CARMIL1: variants seen among roughly 807,000 people sequenced by gnomAD.
CARMIL1 encodes F-actin-uncapping protein LRRC16A.
Under a neutral mutation model 177.1 loss-of-function variants are expected in CARMIL1, and 90 were observed. The ratio of observed to expected loss-of-function variants is 0.51; its 90% CI spans 0.43 to 0.61. The LOEUF (loss-of-function observed/expected upper bound fraction) is 0.61, where lower values mean the gene tolerates loss of function less well. Among genes scored for constraint, CARMIL1 ranks in the 20% least tolerant of loss-of-function variants. The pLI is 0.00. For missense variants in CARMIL1, 1,380 were observed against 1,667.0 expected (o/e 0.83, Z 3.00); for synonymous variants, 577 against 606.2 (o/e 0.95, Z 0.71).
At chr6:25,522,244 A>G (rs984064113) in intron 23 of CARMIL1, among the ~76,000 whole-genome samples, 1 of 152,164 alleles carries the variant, frequency 6.6e-6, no homozygotes, top group African/African-American at 2.4e-5. Flanking sequence ...ATCCTATTTC[A>G]TGGTAAATCT....
At position 25,449,919 on chromosome 6, in the gene CARMIL1, C is replaced by A; in HGVS notation, c.393C>A (p.Ser131=). ...LSPVRIMKKV[S]MEPSERLASL... ...ACAGGAGAATCATGAAAAAAGTCTC[C>A]ATGGAGCCATCTGAGCGCCTGGCTA... Residue 131 remains serine, a synonymous_variant, in exon 6 of 37, where the codon TCC becomes TCA. Transcript: ENST00000329474. 6.2e-7 allele frequency: 1 copy of A among 1,609,888 alleles called. No homozygotes were observed. The highest frequency in any genetic ancestry group is 1.1e-5 in the South Asian group (1 of 90,518).
At chr6:25,480,142 G>A (rs573291768) in intron 11 of CARMIL1, among the ~76,000 whole-genome samples, 1 of 152,120 alleles carries the variant, frequency 6.6e-6, no homozygotes, top group African/African-American at 2.4e-5. Flanking sequence ...GTATTCTGTA[G>A]TTACTGGGTA....
At chr6:25,388,763 G>A (rs1172828042) in intron 2 of CARMIL1, among the ~76,000 whole-genome samples, 1 of 152,048 alleles carries the variant, frequency 6.6e-6, no homozygotes, top group African/African-American at 2.4e-5. Context: ...TGCAACTCCT[G>A]GGCTCAAACA....
intron 5 of CARMIL1, among the ~76,000 whole-genome samples, chr6:25,445,496 A>C (rs910021868): frequency 4.0e-5 from 6 of 150,850 alleles, no homozygotes; most frequent in Non-Finnish European, 7.4e-5. Context: ...CAGAGGAATC[A>C]CTATCTATGG....
chr6:25,541,732 T>G (rs912839297), intron 26 of CARMIL1, among the ~76,000 whole-genome samples: 2 of 152,116 alleles, frequency 1.3e-5, no homozygotes, highest in South Asian at 4.1e-4. Flanking sequence ...CAGCTCACTG[T>G]AACCTCTGCC....
chr6:25,474,845 A>G (rs1271021793), intron 11 of CARMIL1, among the ~76,000 whole-genome samples: 2 of 152,230 alleles, frequency 1.3e-5, no homozygotes, highest in Non-Finnish European at 2.9e-5. Flanking sequence ...TCGACAGACA[A>G]GAAAAAATCT....
At chr6:25,407,027 T>G (rs1794438937) in intron 2 of CARMIL1, among the ~76,000 whole-genome samples, 1 of 152,104 alleles carries the variant, frequency 6.6e-6, no homozygotes, top group African/African-American at 2.4e-5. Context: ...TGCCCAGTGC[T>G]AAGGAGAAAT....
At chr6:25,298,178 C>T (rs570521797) in intron 2 of CARMIL1, among the ~76,000 whole-genome samples, 1 of 152,236 alleles carries the variant, frequency 6.6e-6, no homozygotes, top group South Asian at 2.1e-4. Context: ...ATGAGTAAGT[C>T]TTAGCTGTTA....
At chr6:25,329,326 G>A (rs1459647005) in intron 2 of CARMIL1, among the ~76,000 whole-genome samples, 1 of 152,096 alleles carries the variant, frequency 6.6e-6, no homozygotes, top group African/African-American at 2.4e-5. Flanking sequence ...GCAGTGGCAA[G>A]CTCTTTTCAG....
Position 25,517,328 on chromosome 6 carries a change from T to A in CARMIL1, c.1806-19T>A. The A allele has an allele frequency of 6.3e-7, 1 of 1,594,064 alleles. No individual in the cohort carries two copies. Among genetic ancestry groups the A allele is most frequent in the South Asian group, 1.1e-5 (1 of 90,560 alleles). On this transcript the variant is annotated intron_variant, in intron 21 of 36. Transcript: ENST00000329474. ...TTCTTTAAGTGTCTGATCATTTATG[T>A]GATTTGATTTTCAAACAGGACTGTA...
At chr6:25,594,322 C>T in intron 31 of CARMIL1, 93 bp from the exon 32 acceptor site, 1 of 746,672 alleles carries the variant, frequency 1.3e-6, no homozygotes, top group Non-Finnish European at 2.2e-6. Flanking sequence ...TTGTCCCTCC[C>T]ATAGCCCTTA....
At chr6:25,284,348 G>A (rs1024218443) in intron 1 of CARMIL1, among the ~76,000 whole-genome samples, 2 of 152,156 alleles carry the variant, frequency 1.3e-5, no homozygotes, top group African/African-American at 2.4e-5. Context: ...TATACAGTAC[G>A]AGGTACAAAG....
chr6:25,319,571 A>G (rs1480483531), intron 2 of CARMIL1, among the ~76,000 whole-genome samples: 2 of 152,004 alleles, frequency 1.3e-5, no homozygotes, highest in Non-Finnish European at 2.9e-5. Context: ...TATGTTTTTT[A>G]GTCTAACTGC....
intron 2 of CARMIL1, among the ~76,000 whole-genome samples, chr6:25,378,379 T>C (rs1471243792): frequency 3.3e-5 from 5 of 152,216 alleles, no homozygotes; most frequent in African/African-American, 1.2e-4. Flanking sequence ...CCCTGTGCTC[T>C]CTTATGGCTG....
rs1210512064 is a variant in CARMIL1, at chr6:25,509,537, T to C, written c.1396-119T>C. On this transcript the variant is annotated intron_variant, in intron 17 of 36. Transcript: ENST00000329474. This position sits in a 1 kb window ranked among gnomAD's most constrained non-coding sequence, Gnocchi z 4.1. Reference sequence around the variant, plus strand: ...AGCTTCTTTGGAGTTGATAAGCTTTTACTTTTTCTTTGGTACTAAGTTTAT... The same window carrying C: ...AGCTTCTTTGGAGTTGATAAGCTTTCACTTTTTCTTTGGTACTAAGTTTAT... 5.8e-6 allele frequency: 4 copies of C among 687,854 alleles called. No individual in the cohort carries two copies. The Admixed American group carries it at 8.5e-5, about 15-fold the overall frequency. 42.6% of individuals were successfully genotyped at this position (687,854 alleles called of 1,614,324 possible).
intron 2 of CARMIL1, among the ~76,000 whole-genome samples, chr6:25,304,416 C>T (rs750298068): frequency 3.9e-5 from 6 of 152,198 alleles, no homozygotes; most frequent in Non-Finnish European, 2.9e-5. Flanking sequence ...TTGTGGAAGA[C>T]AATTTTTCCA....
chr6:25,601,986 A>G (rs1815456373), intron 33 of CARMIL1, among the ~76,000 whole-genome samples: 1 of 152,238 alleles, frequency 6.6e-6, no homozygotes, highest in African/African-American at 2.4e-5. Flanking sequence ...GTATCACAAT[A>G]AAACAGTTCA....
chr6:25,430,983 G>A (rs966679690), intron 4 of CARMIL1, among the ~76,000 whole-genome samples: 5 of 151,878 alleles, frequency 3.3e-5, no homozygotes, highest in African/African-American at 1.2e-4. Context: ...CAGGTTAGAG[G>A]TCTACCAATT....
Position 25,510,568 on chromosome 6 carries a change from C to T in CARMIL1, c.1539C>T (p.His513=). The change falls in exon 19 of 37, where the codon CAC becomes CAT. Residue 513 remains histidine (H), a synonymous_variant. Transcript: ENST00000329474. ...VWLSKNRSIQ[H]LALGKNFNNM... ...TCAGTAAAAACAGATCAATACAACACCTGGCGTTAGGCAAAAATTTTAATA... is the reference window on the plus strand; with the variant it reads ...TCAGTAAAAACAGATCAATACAACATCTGGCGTTAGGCAAAAATTTTAATA... 2 of 1,556,922 alleles carry T rather than the reference C, an allele frequency of 1.3e-6. No homozygotes were observed. The highest frequency in any genetic ancestry group is 1.7e-6 in the Non-Finnish European group (2 of 1,149,160).
Sources: allele counts gnomAD v4.1 joint callset (sites outside exome capture counted in the v4.1 genomes callset), GRCh38; gene constraint gnomAD v4.1.1; non-coding constraint Gnocchi (gnomAD v3.1); transcripts MANE v1.5; gene names NCBI Gene and HGNC (gene_info 2026-07-23, HGNC 2026-07-21).